IGSF21: variants seen among roughly 807,000 people sequenced by gnomAD.
IGSF21 encodes immunoglobulin superfamily member 21.
A neutral mutation model predicts 46.8 loss-of-function variants in IGSF21; 28 were observed. The observed-to-expected ratio is 0.60, with a 90% CI of 0.44 to 0.82. The LOEUF is 0.82. IGSF21 is among the 40% of genes least tolerant of loss of function. The pLI is 0.00. For missense variants in IGSF21, 624 were observed against 665.5 expected, an observed-to-expected ratio of 0.94 and a Z score of 0.69; for synonymous variants, 284 against 273.6, an observed-to-expected ratio of 1.04 and a Z score of -0.38.
At chr1:18,200,130 G>A (rs948557847) in intron 1 of IGSF21, among the ~76,000 whole-genome samples, 1 of 152,140 alleles carries the variant, frequency 6.6e-6, no homozygotes, top group African/African-American at 2.4e-5. Flanking sequence ...GTTCACATCC[G>A]GGCTCTTGCG....
intron 1 of IGSF21, among the ~76,000 whole-genome samples, chr1:18,124,210 C>A (rs984715139): frequency 3.9e-5 from 6 of 152,206 alleles, no homozygotes; most frequent in African/African-American, 1.4e-4. Context: ...AGGCTCTCTT[C>A]TTCCTGGACC....
chr1:18,273,112 C>T (rs1260205608), intron 2 of IGSF21, among the ~76,000 whole-genome samples: 1 of 143,550 alleles, frequency 7.0e-6, no homozygotes, highest in East Asian at 2.0e-4. Context: ...GTGGCATGCT[C>T]TCACCTCACT....
At chr1:18,209,378 T>A (rs761776673) in intron 1 of IGSF21, among the ~76,000 whole-genome samples, 8 of 152,158 alleles carry the variant, frequency 5.3e-5, no homozygotes, top group Non-Finnish European at 8.8e-5. Flanking sequence ...ATGCCTTTCC[T>A]ATCAGGAAGG....
intron 2 of IGSF21, among the ~76,000 whole-genome samples, chr1:18,262,195 C>A (rs1345522741): frequency 3.3e-5 from 5 of 152,156 alleles, no homozygotes; most frequent in Admixed American, 3.3e-4. Context: ...TAATCCCCAG[C>A]CCACAAAGGG....
At chr1:18,294,650 G>C (rs2085295457) in intron 3 of IGSF21, among the ~76,000 whole-genome samples, 2 of 152,368 alleles carry the variant, frequency 1.3e-5, no homozygotes, top group South Asian at 4.1e-4. Flanking sequence ...TCAGGAGCCA[G>C]TGCTCTTTTC....
Position 18,376,844 on chromosome 1 carries a change from G to A in IGSF21, c.1146G>A (p.Gly382=), listed in dbSNP as rs753474685. 6.2e-6 allele frequency: 10 copies of A among 1,608,128 alleles called. No individual in the cohort carries two copies. Among genetic ancestry groups the A allele is most frequent in the Non-Finnish European group, 7.7e-6 (9 of 1,175,362 alleles). ...CCATGTTCACGTGGACGCGGGTTGG[G>A]AGCCGCCTCCTGGACGGCAGCGCTG... ...PEPMFTWTRV[G]SRLLDGSAEF... The change falls in exon 8 of 10, where the codon GGG becomes GGA. Residue 382 remains glycine (G), a synonymous_variant. Coordinates refer to ENST00000251296, the MANE Select transcript of IGSF21 (RefSeq NM_032880.5).
rs77188759 is a variant in IGSF21, at chr1:18,365,154, G to A, written c.541-69G>A. On this transcript the variant is annotated intron_variant, in intron 5 of 9. Transcript: ENST00000251296. This position sits in a 1 kb window ranked among gnomAD's most constrained non-coding sequence, Gnocchi z 4.8. Reference sequence around the variant, plus strand: ...ACTGGCATCCTGTGCCCAGTTCATCGGAGAACCCACTGGGAGGTTGAAGTT... The same window carrying A: ...ACTGGCATCCTGTGCCCAGTTCATCAGAGAACCCACTGGGAGGTTGAAGTT... 2,190 of 1,243,070 alleles carry A rather than the reference G, an allele frequency of 1.8e-3. 25 individuals are homozygous for A. The African/African-American group carries it at 0.025, about 14-fold the overall frequency. The allele number at this position is 1,243,070 out of a possible 1,614,324, so 77.0% of individuals were successfully genotyped here.
At chr1:18,221,601 G>T (rs1178512643) in intron 1 of IGSF21, among the ~76,000 whole-genome samples, 1 of 152,176 alleles carries the variant, frequency 6.6e-6, no homozygotes, top group East Asian at 1.9e-4. Context: ...TTTGCTAAAT[G>T]TATCTGAACA....
chr1:18,217,047 G>A (rs1405678745), intron 1 of IGSF21, among the ~76,000 whole-genome samples: 21 of 152,062 alleles, frequency 1.4e-4, no homozygotes, highest in Admixed American at 1.4e-3. Context: ...GTGGTGCGAG[G>A]AATTTATGTG....
At position 18,119,840 on chromosome 1, in the gene IGSF21, G is replaced by A. The variant is rs532669879; in HGVS notation, c.70+11642G>A. On this transcript the variant is annotated intron_variant, in intron 1 of 9. Coordinates refer to ENST00000251296, the MANE Select transcript of IGSF21 (RefSeq NM_032880.5). ...TGGTACCAATTTGCCATTTGGGGCA[G>A]TGATTTAAATTCTCCCTCTTTTAAA... is the stretch of plus-strand genomic sequence containing the variant. Among the ~76,000 whole-genome samples, 13 of 152,214 alleles carry A rather than the reference G, an allele frequency of 8.5e-5. 1 individual carries two copies. The South Asian group carries it at 2.7e-3, about 32-fold the overall frequency.
rs550519885 is a variant in IGSF21, at chr1:18,317,316, A to G, written c.306-17576A>G. 2.6e-5 allele frequency among the ~76,000 whole-genome samples: 4 copies of G among 152,336 alleles called. No individual in the cohort carries two copies. In the East Asian group the frequency reaches 7.7e-4, roughly 29 times the overall value. Reference sequence around the variant, plus strand: ...CTCACCACAATCCTGTGAGGCAGGCATCACAATACTGAACTTTACAGATTA... The same window carrying G: ...CTCACCACAATCCTGTGAGGCAGGCGTCACAATACTGAACTTTACAGATTA... On this transcript the variant is annotated intron_variant, in intron 3 of 9. Coordinates refer to ENST00000251296, the MANE Select transcript of IGSF21 (RefSeq NM_032880.5).
chr1:18,328,924 C>A (rs955928589), intron 3 of IGSF21, among the ~76,000 whole-genome samples: 1 of 152,122 alleles, frequency 6.6e-6, no homozygotes, highest in Non-Finnish European at 1.5e-5. Context: ...ACTTGCTCAG[C>A]AAACCTCAGT....
chr1:18,149,232 G>A (rs890214686), intron 1 of IGSF21, among the ~76,000 whole-genome samples: 1 of 152,216 alleles, frequency 6.6e-6, no homozygotes, highest in Non-Finnish European at 1.5e-5. Context: ...TGCAGAGGGT[G>A]TGTGTGGCCA....
At chr1:18,310,494 C>T (rs893837233) in intron 3 of IGSF21, among the ~76,000 whole-genome samples, 10 of 152,226 alleles carry the variant, frequency 6.6e-5, no homozygotes, top group Non-Finnish European at 1.2e-4. Flanking sequence ...TACCTATTCT[C>T]CTGTGGAGTG....
chr1:18,121,129 A>G (rs892664359), intron 1 of IGSF21, among the ~76,000 whole-genome samples: 2 of 151,994 alleles, frequency 1.3e-5, no homozygotes, highest in African/African-American at 4.8e-5. Context: ...GAAGGCAGGT[A>G]CTCTCCAAGC....
chr1:18,138,138 A>T (rs910557743), intron 1 of IGSF21, among the ~76,000 whole-genome samples: 3 of 152,198 alleles, frequency 2.0e-5, no homozygotes, highest in Non-Finnish European at 4.4e-5. Flanking sequence ...CGTAAGTGAC[A>T]GGTGGGCTGA....
intron 3 of IGSF21, among the ~76,000 whole-genome samples, chr1:18,313,349 G>A (rs1471246948): frequency 6.6e-6 from 1 of 152,200 alleles, no homozygotes; most frequent in Non-Finnish European, 1.5e-5. Flanking sequence ...TGAGATGTTA[G>A]AGCCACCTGG....
At chr1:18,177,400 T>TC (rs1347442585) in intron 1 of IGSF21, among the ~76,000 whole-genome samples, 1,403 of 37,910 alleles carry the variant, frequency 0.037, 33 homozygotes, top group African/African-American at 0.11. Context: ...GAGGTGTGTG[T>TC]GTGTGTGTGT....
intron 1 of IGSF21, among the ~76,000 whole-genome samples, chr1:18,121,828 A>T (rs2086236504): frequency 6.6e-6 from 1 of 152,136 alleles, no homozygotes; most frequent in Non-Finnish European, 1.5e-5. Context: ...GGCTGAGGTG[A>T]TATTCCTTTA....
Sources: gnomAD v4.1 joint callset for allele counts (sites outside exome capture counted in the v4.1 genomes callset) on GRCh38, gnomAD v4.1.1 for gene constraint, Gnocchi (gnomAD v3.1) non-coding constraint, MANE v1.5 for transcripts, NCBI Gene and HGNC (gene_info 2026-07-23, HGNC 2026-07-21) for gene names.